The following UTRN variants were observed in gnomAD, a reference collection of about 807,000 sequenced individuals.
UTRN encodes the protein utrophin.
UTRN carries 283 observed loss-of-function variants against 463.9 expected under a neutral mutation model. The observed-to-expected ratio is 0.61, with a 90% confidence interval of 0.55 to 0.67. UTRN has a LOEUF of 0.67. Among genes scored for constraint, UTRN ranks in the 30% least tolerant of loss-of-function variants. The probability of loss-of-function intolerance (pLI) is 0.00; values close to 1 mark genes in which losing one functional copy is unlikely to be tolerated. For missense variants in UTRN, 3,922 were observed against 4,084.3 expected, an observed-to-expected ratio of 0.96 and a Z score of 1.08; for synonymous variants, 1,442 against 1,431.5, an observed-to-expected ratio of 1.01 and a Z score of -0.17.
intron 2 of UTRN, among the ~76,000 whole-genome samples, chr6:144,296,957 A>G (rs1804771769): frequency 6.6e-6 from 1 of 152,188 alleles, no homozygotes; most frequent in Non-Finnish European, 1.5e-5. Context: ...CTGTTGAGTT[A>G]GCAAAGGGGA....
chr6:144,616,149 G>A (rs1806066158), intron 51 of UTRN, among the ~76,000 whole-genome samples: 1 of 152,120 alleles, frequency 6.6e-6, no homozygotes, highest in Non-Finnish European at 1.5e-5. Flanking sequence ...TTTATACTGT[G>A]TTTAATTCAG....
At chr6:144,594,372 T>C (rs1194889841) in intron 51 of UTRN, among the ~76,000 whole-genome samples, 1 of 152,196 alleles carries the variant, frequency 6.6e-6, no homozygotes, top group African/African-American at 2.4e-5. Context: ...TGTGCATTTA[T>C]TTTTGTGGAA....
rs1023222331 is a variant in UTRN, at chr6:144,830,388, C to T, written c.9665+1533C>T. On this transcript the variant is annotated intron_variant, in intron 69 of 74. Coordinates refer to ENST00000367545, the MANE Select transcript of UTRN (RefSeq NM_007124.3). ...CTACCATGTAATGGTATGCTGGAGC[C>T]AATTGTGAGAGCTGATTGTTACATT... Among the ~76,000 whole-genome samples the T allele has an allele frequency of 3.9e-5, 6 of 152,162 alleles. No homozygotes were observed. In the South Asian group the frequency reaches 1.2e-3, roughly 32 times the overall value.
chr6:144,805,588 G>A (rs78222408), intron 65 of UTRN, among the ~76,000 whole-genome samples: 3,814 of 152,298 alleles, frequency 0.025, 67 homozygotes, highest in Non-Finnish European at 0.043. Context: ...GCATGGAAAG[G>A]AGCACTGGTT....
chr6:144,517,459 A>C (rs999817062), intron 39 of UTRN, among the ~76,000 whole-genome samples: 3 of 151,834 alleles, frequency 2.0e-5, no homozygotes, highest in Admixed American at 6.6e-5. Context: ...CAGTCTCCCA[A>C]GTTGCTAGGA....
At chr6:144,305,199 T>C (rs1805610631) in intron 2 of UTRN, among the ~76,000 whole-genome samples, 1 of 152,232 alleles carries the variant, frequency 6.6e-6, no homozygotes, top group Admixed American at 6.5e-5. Flanking sequence ...GAGCTAATTA[T>C]GTCAGCATAG....
chr6:144,525,496 T>TATAAAATTTAA (rs1796490433), intron 41 of UTRN, among the ~76,000 whole-genome samples: 1 of 152,036 alleles, frequency 6.6e-6, no homozygotes, highest in Non-Finnish European at 1.5e-5. Flanking sequence ...ATAGCCTTGA[T>TATAAAATTTAA]CTTTTGTATT....
At chr6:144,831,064 A>G (rs1228825278) in intron 69 of UTRN, among the ~76,000 whole-genome samples, 1 of 152,200 alleles carries the variant, frequency 6.6e-6, no homozygotes, top group Non-Finnish European at 1.5e-5. Context: ...AGGTCTATAG[A>G]TGCAGATACT....
intron 46 of UTRN, among the ~76,000 whole-genome samples, chr6:144,547,279 CT>C (rs1429572418): frequency 1.3e-5 from 2 of 152,022 alleles, no homozygotes; most frequent in Non-Finnish European, 2.9e-5. Context: ...GCTATCAGTT[CT>C]TTGTCTGCAA....
intron 45 of UTRN, among the ~76,000 whole-genome samples, chr6:144,539,926 G>A (rs1041371589): frequency 7.3e-5 from 11 of 151,470 alleles, no homozygotes; most frequent in Admixed American, 3.9e-4. Flanking sequence ...GCCTGTAATC[G>A]CAGCTACTTG....
rs139569294 is a variant in UTRN, at chr6:144,686,701, T to C, written c.7652+8123T>C. On this transcript the variant is annotated intron_variant, in intron 52 of 74. Coordinates refer to ENST00000367545, the MANE Select transcript of UTRN (RefSeq NM_007124.3). ...CTTTTAAAGTCTGTTTTATCTGATA[T>C]AAGAATAGCTACTACTGTTCACTTT... Among the ~76,000 whole-genome samples the C allele has an allele frequency of 2.4e-4, 37 of 152,274 alleles. No individual in the cohort carries two copies. In the East Asian group the frequency reaches 6.6e-3, roughly 27 times the overall value.
chr6:144,335,155 C>G (rs1188938101), intron 2 of UTRN, among the ~76,000 whole-genome samples: 2 of 152,182 alleles, frequency 1.3e-5, no homozygotes, highest in Non-Finnish European at 2.9e-5. Context: ...AGATTTACTA[C>G]TGGACATTCT....
intron 66 of UTRN, among the ~76,000 whole-genome samples, chr6:144,827,127 A>G (rs1273176812): frequency 6.6e-6 from 1 of 152,100 alleles, no homozygotes; most frequent in African/African-American, 2.4e-5. Flanking sequence ...ATATCCTGTA[A>G]TATCTGTGAA....
chr6:144,395,342 T>C (rs1287289710), intron 2 of UTRN, among the ~76,000 whole-genome samples: 3 of 151,850 alleles, frequency 2.0e-5, no homozygotes, highest in Non-Finnish European at 2.9e-5. Flanking sequence ...CCACCATAAA[T>C]GGAGTCTGTT....
At chr6:144,452,077 G>A (rs1015663498) in intron 18 of UTRN, among the ~76,000 whole-genome samples, 1 of 152,150 alleles carries the variant, frequency 6.6e-6, no homozygotes, top group Non-Finnish European at 1.5e-5. Context: ...CCTGGGTAGA[G>A]AATCTATAGT....
chr6:144,509,439 A>G (rs1794989963), intron 34 of UTRN, among the ~76,000 whole-genome samples: 1 of 152,008 alleles, frequency 6.6e-6, no homozygotes, highest in African/African-American at 2.4e-5. Flanking sequence ...TTTTTTAGGT[A>G]AAGACTCAAA....
At chr6:144,659,759 T>C (rs1779670152) in intron 51 of UTRN, 1 of 152,814 alleles carries the variant, frequency 6.5e-6, no homozygotes, top group Non-Finnish European at 1.5e-5. Context: ...TGGAGGAAGT[T>C]GGTAATACTT....
At chr6:144,567,991 A>G (rs1261355305) in intron 50 of UTRN, among the ~76,000 whole-genome samples, 3 of 152,176 alleles carry the variant, frequency 2.0e-5, no homozygotes, top group Admixed American at 1.3e-4. Context: ...AAAGGCAAGT[A>G]TGTCATGTTT....
intron 5 of UTRN, 103 bp downstream of exon 5, chr6:144,423,729 A>G: frequency 7.3e-7 from 1 of 1,371,280 alleles, no homozygotes; most frequent in Non-Finnish European, 1.0e-6. Flanking sequence ...GATTCTTGCA[A>G]ACATTTTTTC....
Sources: gnomAD v4.1 joint callset for allele counts (sites outside exome capture counted in the v4.1 genomes callset) on GRCh38, gnomAD v4.1.1 for gene constraint, MANE v1.5 for transcripts, NCBI Gene and HGNC (gene_info 2026-07-23, HGNC 2026-07-21) for gene names.